The following CAPSL variants were observed in gnomAD, a reference collection of about 807,000 sequenced individuals.
The protein encoded by CAPSL is calcyphosine like, also known as calcyphosin-like protein.
A neutral mutation model predicts 21.3 loss-of-function variants in CAPSL; 17 were observed. The observed-to-expected ratio is 0.80, with a 90% CI of 0.55 to 1.20. The LOEUF (loss-of-function observed/expected upper bound fraction) is 1.20, where lower values mean the gene tolerates loss of function less well. Among genes scored for constraint, CAPSL ranks in the 50% most tolerant of loss-of-function variants. The pLI is 0.00. For missense variants in CAPSL, 289 were observed against 259.3 expected (o/e 1.11, Z -0.79); for synonymous variants, 102 against 89.3 (o/e 1.14, Z -0.80).
chr5:35,910,970 A>T (rs1013154658), intron 2 of CAPSL, among the ~76,000 whole-genome samples: 5 of 152,242 alleles, frequency 3.3e-5, no homozygotes, highest in African/African-American at 1.2e-4. Flanking sequence ...TGATTTAGGA[A>T]GTCAGAAAAT....
intron 4 of CAPSL, among the ~76,000 whole-genome samples, chr5:35,909,086 G>GTT (rs34466604): frequency 0.018 from 2,665 of 144,824 alleles, 84 homozygotes; most frequent in African/African-American, 0.064. Flanking sequence ...CTGGCTCAGG[G>GTT]TTTTTTTTTT....
At chr5:35,914,560 C>A (rs1379293114) in intron 2 of CAPSL, among the ~76,000 whole-genome samples, 3 of 152,134 alleles carry the variant, frequency 2.0e-5, no homozygotes, top group Admixed American at 6.5e-5. Flanking sequence ...GAAACTCACT[C>A]AAAACCTCTC....
At chr5:35,916,750 A>G (rs1394970695) in intron 2 of CAPSL, among the ~76,000 whole-genome samples, 1 of 152,204 alleles carries the variant, frequency 6.6e-6, no homozygotes, top group East Asian at 1.9e-4. Flanking sequence ...TAGACCTAAA[A>G]CCATAAAAAC....
intron 2 of CAPSL, among the ~76,000 whole-genome samples, chr5:35,913,422 G>A (rs6878688): frequency 0.41 from 62,305 of 151,838 alleles, 13,227 homozygotes; most frequent in African/African-American, 0.46. Context: ...TCACCAAAGT[G>A]GAAATAAGGA....
chr5:35,904,622 A>G lies in CAPSL; in HGVS notation c.550T>C (p.Tyr184His), dbSNP rs1253739967. ...ATGGATGCGCTCACACCTGCATAGT[A>G]GTTCATGAACTCCTCAGGGGTCACC... ...GLVTPEEFMN[Y>H]YAGVSASIDT... Residue 184 changes from tyrosine to histidine, a missense_variant, in exon 5 of 5, where the codon TAC (tyrosine) becomes CAC (histidine). Tyr to His is a moderately conservative substitution (Grantham distance 83). Coordinates refer to ENST00000651391, the MANE Select transcript of CAPSL (RefSeq NM_001042625.2). The G allele has an allele frequency of 1.9e-6, 3 of 1,612,816 alleles. No individual in the cohort carries two copies. Among genetic ancestry groups the G allele is most frequent in the African/African-American group, 2.7e-5 (2 of 74,776 alleles).
intron 2 of CAPSL, among the ~76,000 whole-genome samples, chr5:35,915,695 T>C (rs1738360690): frequency 6.6e-6 from 1 of 152,192 alleles, no homozygotes; most frequent in Non-Finnish European, 1.5e-5. Context: ...AAATTAGGTA[T>C]TGATGGGACG....
chr5:35,935,745 A>G (rs1738929513), intron 1 of CAPSL, among the ~76,000 whole-genome samples: 1 of 152,022 alleles, frequency 6.6e-6, no homozygotes, highest in Non-Finnish European at 1.5e-5. Flanking sequence ...TTTTCACCCC[A>G]GCCATTACCT....
chr5:35,913,783 T>C (rs1322317088), intron 2 of CAPSL, among the ~76,000 whole-genome samples: 1 of 152,142 alleles, frequency 6.6e-6, no homozygotes, highest in African/African-American at 2.4e-5. Context: ...ATCGATGCTA[T>C]GAAGAAACGG....
intron 4 of CAPSL, 175 bp from the exon 5 acceptor site, chr5:35,904,821 A>G (rs1760640911): frequency 1.9e-6 from 1 of 533,472 alleles, no homozygotes; most frequent in Admixed American, 6.4e-5. Context: ...TGGTGTGAGA[A>G]CAGCACCTAG....
At chr5:35,914,871 C>G (rs76884944) in intron 2 of CAPSL, among the ~76,000 whole-genome samples, 6 of 151,888 alleles carry the variant, frequency 4.0e-5, no homozygotes, top group Admixed American at 2.6e-4. Context: ...GAGCAGAACT[C>G]AAGGAAATAG....
intron 1 of CAPSL, among the ~76,000 whole-genome samples, chr5:35,927,624 C>T (rs562037105): frequency 6.6e-6 from 1 of 152,298 alleles, no homozygotes; most frequent in African/African-American, 2.4e-5. Context: ...ACCAGTCCCC[C>T]ATAGGGATGG....
intron 2 of CAPSL, among the ~76,000 whole-genome samples, chr5:35,914,249 C>A (rs995765378): frequency 3.9e-5 from 6 of 152,166 alleles, no homozygotes; most frequent in Non-Finnish European, 8.8e-5. Context: ...GACTCCCACA[C>A]AATAATAATG....
At chr5:35,911,741 G>C (rs900489745) in intron 2 of CAPSL, among the ~76,000 whole-genome samples, 1 of 152,160 alleles carries the variant, frequency 6.6e-6, no homozygotes, top group Non-Finnish European at 1.5e-5. Flanking sequence ...AAAAAATAAG[G>C]GGGTGGAGCA....
chr5:35,915,050 TAC>T (rs1180091085), intron 2 of CAPSL, among the ~76,000 whole-genome samples: 1 of 152,102 alleles, frequency 6.6e-6, no homozygotes, highest in Non-Finnish European at 1.5e-5. Context: ...CCCACAGAAA[TAC>T]AAACTACCAT....
chr5:35,922,080 A>T (rs1424803019), intron 1 of CAPSL, among the ~76,000 whole-genome samples: 1 of 151,900 alleles, frequency 6.6e-6, no homozygotes, highest in African/African-American at 2.4e-5. Context: ...AGAAAAAAAA[A>T]AAAAAACGGT....
At chr5:35,930,012 AT>A (rs1278275106) in intron 1 of CAPSL, among the ~76,000 whole-genome samples, 10 of 152,146 alleles carry the variant, frequency 6.6e-5, no homozygotes, top group African/African-American at 2.4e-4. Context: ...CTTTTATACC[AT>A]TTACTATTTT....
Position 35,913,839 on chromosome 5 carries a change from A to G in CAPSL, c.138-3296T>C, listed in dbSNP as rs186169884. On this transcript the variant is annotated intron_variant, in intron 2 of 4. Coordinates refer to ENST00000651391, the MANE Select transcript of CAPSL (RefSeq NM_001042625.2). ...AACCAGCTAACATCATAATGACAGGATCAAATTCAAAGATAACAATATTAA... is the reference window on the plus strand; with the variant it reads ...AACCAGCTAACATCATAATGACAGGGTCAAATTCAAAGATAACAATATTAA... Among the ~76,000 whole-genome samples the G allele has an allele frequency of 2.4e-4, 36 of 152,324 alleles. No individual in the cohort carries two copies. The East Asian group carries it at 5.6e-3, about 24-fold the overall frequency.
At chr5:35,922,593 G>A (rs1409785381) in intron 1 of CAPSL, among the ~76,000 whole-genome samples, 1 of 152,172 alleles carries the variant, frequency 6.6e-6, no homozygotes, top group Non-Finnish European at 1.5e-5. Context: ...CCTAAGCAGA[G>A]GTTCCCTGGA....
At chr5:35,930,578 G>A (rs545612010) in intron 1 of CAPSL, among the ~76,000 whole-genome samples, 69 of 152,208 alleles carry the variant, frequency 4.5e-4, no homozygotes, top group African/African-American at 1.6e-3. Flanking sequence ...TCCTTAAATG[G>A]TGCACCCTAA....
Sources: gnomAD v4.1 joint callset for allele counts (sites outside exome capture counted in the v4.1 genomes callset) on GRCh38, gnomAD v4.1.1 for gene constraint, MANE v1.5 for transcripts, NCBI Gene and HGNC (gene_info 2026-07-23, HGNC 2026-07-21) for gene names.